UNC5D: variants seen among roughly 807,000 people sequenced by gnomAD.
The protein encoded by UNC5D is netrin receptor UNC5D.
A neutral mutation model predicts 105.4 loss-of-function variants in UNC5D; 39 were observed. The ratio of observed to expected loss-of-function variants is 0.37; its 90% CI spans 0.29 to 0.48. UNC5D has a LOEUF of 0.48. Ranked by LOEUF, UNC5D falls within the 20% of genes least tolerant of loss-of-function variation. UNC5D has a pLI of 0.98. For synonymous variants in UNC5D, 452 were observed against 450.4 expected, an observed-to-expected ratio of 1.00 and a Z score of -0.04; for missense variants, 991 against 1,202.4, an observed-to-expected ratio of 0.82 and a Z score of 2.60.
At chr8:35,779,425 C>T (rs1422731321) in intron 16 of UNC5D, among the ~76,000 whole-genome samples, 2 of 152,060 alleles carry the variant, frequency 1.3e-5, no homozygotes, top group Non-Finnish European at 2.9e-5. Context: ...CTCTAATGAA[C>T]GATATGAACT....
At chr8:35,368,993 G>A (rs1212224603) in intron 1 of UNC5D, among the ~76,000 whole-genome samples, 1 of 152,174 alleles carries the variant, frequency 6.6e-6, no homozygotes, top group Non-Finnish European at 1.5e-5. Flanking sequence ...CCATGCTATG[G>A]CATGTTGTTA....
intron 1 of UNC5D, among the ~76,000 whole-genome samples, chr8:35,544,173 C>T (rs1220997713): frequency 6.6e-6 from 1 of 152,182 alleles, no homozygotes; most frequent in Non-Finnish European, 1.5e-5. Context: ...CTTATTACCA[C>T]AATCTGTAGC....
intron 11 of UNC5D, among the ~76,000 whole-genome samples, chr8:35,744,643 G>A (rs866877789): frequency 5.9e-5 from 9 of 152,132 alleles, no homozygotes; most frequent in South Asian, 4.1e-4. Context: ...GATTTGATCA[G>A]TGAGAATCTC....
rs139764663 is a variant in UNC5D, at chr8:35,388,697, T to C, written c.103+152810T>C. On this transcript the variant is annotated intron_variant, in intron 1 of 16. Coordinates refer to ENST00000404895, the MANE Select transcript of UNC5D (RefSeq NM_080872.4). The stretch of plus-strand genomic sequence containing the variant: ...TCAAACATAACTTCTGTGTAAAATC[T>C]CCATGCAGTGTTGTGGCTATAAAGA... Among the ~76,000 whole-genome samples, 134 of 152,300 alleles carry C rather than the reference T, an allele frequency of 8.8e-4. 2 individuals are homozygous for C. The East Asian group carries it at 0.023, about 26-fold the overall frequency.
At chr8:35,742,721 T>G (rs1418044499) in intron 11 of UNC5D, among the ~76,000 whole-genome samples, 2 of 152,148 alleles carry the variant, frequency 1.3e-5, no homozygotes, top group Non-Finnish European at 2.9e-5. Context: ...CAAGGAGTAT[T>G]GAGCACAGAG....
intron 1 of UNC5D, chr8:35,544,348 A>G: frequency 6.4e-7 from 1 of 1,560,404 alleles, no homozygotes; most frequent in Non-Finnish European, 8.7e-7. Flanking sequence ...TGTATCAGTG[A>G]GGAACGTTTT....
intron 11 of UNC5D, among the ~76,000 whole-genome samples, chr8:35,743,426 C>A (rs1443385509): frequency 6.6e-6 from 1 of 151,528 alleles, no homozygotes; most frequent in Non-Finnish European, 1.5e-5. Flanking sequence ...TGCACCACCA[C>A]GCCTGACTAA....
intron 1 of UNC5D, among the ~76,000 whole-genome samples, chr8:35,490,744 C>T (rs1007704865): frequency 2.0e-5 from 3 of 152,122 alleles, no homozygotes; most frequent in African/African-American, 7.2e-5. Context: ...TACTATTTTA[C>T]AAGCCTCTGG....
At chr8:35,345,347 T>G (rs1811732424) in intron 1 of UNC5D, among the ~76,000 whole-genome samples, 1 of 151,856 alleles carries the variant, frequency 6.6e-6, no homozygotes, top group Non-Finnish European at 1.5e-5. Context: ...GAAAAAAAAG[T>G]GCCTGCTAGA....
intron 1 of UNC5D, among the ~76,000 whole-genome samples, chr8:35,292,695 T>C (rs922999342): frequency 2.0e-5 from 3 of 151,374 alleles, no homozygotes; most frequent in Non-Finnish European, 4.4e-5. Flanking sequence ...TGCTATATGC[T>C]GTAGTCCCTC....
chr8:35,700,958 C>CAAAG (rs1384885732), intron 7 of UNC5D, among the ~76,000 whole-genome samples: 1 of 152,100 alleles, frequency 6.6e-6, no homozygotes, highest in Non-Finnish European at 1.5e-5. Context: ...TTTAAGAGTA[C>CAAAG]AAAGAATGTG....
chr8:35,711,588 T>C (rs1307280573), intron 8 of UNC5D, among the ~76,000 whole-genome samples: 2 of 152,208 alleles, frequency 1.3e-5, no homozygotes, highest in African/African-American at 4.8e-5. Flanking sequence ...GGTGCTCATG[T>C]TGGCCTATAG....
chr8:35,787,361 C>A (rs896179600), intron 16 of UNC5D, among the ~76,000 whole-genome samples: 1 of 152,242 alleles, frequency 6.6e-6, no homozygotes, highest in East Asian at 1.9e-4. Flanking sequence ...GAATCATTTA[C>A]CCATGCTAGA....
chr8:35,466,360 A>G (rs1034763289), intron 1 of UNC5D, among the ~76,000 whole-genome samples: 3 of 152,000 alleles, frequency 2.0e-5, no homozygotes, highest in Admixed American at 6.6e-5. Context: ...TTTTTTTCTT[A>G]TTAGATACCT....
intron 4 of UNC5D, among the ~76,000 whole-genome samples, chr8:35,611,434 T>C (rs569631323): frequency 2.2e-4 from 34 of 152,288 alleles, no homozygotes; most frequent in African/African-American, 7.7e-4. Flanking sequence ...CTTACCACCA[T>C]TGAAGTATCT....
intron 4 of UNC5D, among the ~76,000 whole-genome samples, chr8:35,616,225 T>G (rs974252008): frequency 3.9e-5 from 6 of 152,226 alleles, no homozygotes; most frequent in Non-Finnish European, 7.3e-5. Flanking sequence ...AATATTTGTA[T>G]CAGACAGCCT....
intron 1 of UNC5D, among the ~76,000 whole-genome samples, chr8:35,299,283 A>C (rs766538215): frequency 6.6e-6 from 1 of 152,206 alleles, no homozygotes; most frequent in Non-Finnish European, 1.5e-5. Context: ...AACTGATCAT[A>C]GACTGTTTGA....
chr8:35,307,181 C>T lies in UNC5D; in HGVS notation c.103+71294C>T, dbSNP rs1808488392. 2.0e-5 allele frequency among the ~76,000 whole-genome samples: 3 copies of T among 152,296 alleles called. No individual in the cohort carries two copies. The South Asian group carries it at 6.2e-4, about 32-fold the overall frequency. ...AAAGTTTACGAATTTTTGTTGGGCT[C>T]TGTTCAAAGCTGTCCTGAACTGCAT... On this transcript the variant is annotated intron_variant, in intron 1 of 16. Transcript: ENST00000404895.
intron 1 of UNC5D, among the ~76,000 whole-genome samples, chr8:35,395,977 A>G (rs1011023750): frequency 6.6e-6 from 1 of 152,220 alleles, no homozygotes; most frequent in African/African-American, 2.4e-5. Flanking sequence ...TGGTGACTTT[A>G]TCTCTCTGGG....
Sources: gnomAD v4.1 joint callset for allele counts (sites outside exome capture counted in the v4.1 genomes callset) on GRCh38, gnomAD v4.1.1 for gene constraint, MANE v1.5 for transcripts, NCBI Gene and HGNC (gene_info 2026-07-23, HGNC 2026-07-21) for gene names.